Variants in DHRS4L2 observed in about 807,000 individuals in gnomAD.
The protein encoded by DHRS4L2 is dehydrogenase/reductase 4 like 2.
In DHRS4L2, 22 loss-of-function variants were observed where a neutral mutation model predicts 23.9. That is an observed-to-expected ratio of 0.92 (90% CI 0.66 to 1.31). The LOEUF is 1.31. Ranked by LOEUF, DHRS4L2 falls within the 40% of genes most tolerant of loss-of-function variation. The pLI, the probability that DHRS4L2 is intolerant of heterozygous loss-of-function variation, is 0.00. For missense variants in DHRS4L2, 385 were observed against 303.3 expected, an observed-to-expected ratio of 1.27 and a Z score of -2.00; for synonymous variants, 141 against 123.7, an observed-to-expected ratio of 1.14 and a Z score of -0.93.
intron 1 of DHRS4L2, among the ~76,000 whole-genome samples, chr14:23,989,581 C>T (rs1407241435): frequency 6.6e-6 from 1 of 151,462 alleles, no homozygotes; most frequent in Non-Finnish European, 1.5e-5. Context: ...TGTTTCTCAC[C>T]CACCTCTCTT....
rs1176867151 is a variant in DHRS4L2, at chr14:24,004,163, G to C, written c.666-174G>C. Among the ~76,000 whole-genome samples the C allele has an allele frequency of 2.1e-5, 3 of 146,006 alleles. 1 individual carries two copies. Among genetic ancestry groups the C allele is most frequent in the South Asian group, 4.3e-4 (2 of 4,606 alleles). On this transcript the variant is annotated intron_variant, in intron 6 of 7. Transcript: ENST00000335125. ...CGGGCGCCTGTAATCCCAGCTACTC[G>C]GGAGGCTGAGGCAGGAGAATGGCAT... is the stretch of plus-strand genomic sequence containing the variant.
intron 2 of DHRS4L2, among the ~76,000 whole-genome samples, chr14:23,991,979 A>C (rs2034279670): frequency 6.6e-6 from 1 of 150,764 alleles, no homozygotes. Context: ...CAGGTGATCC[A>C]CCCCCTCGGC....
Position 23,994,809 on chromosome 14 carries a change from ATTG to A in DHRS4L2, c.307-211_307-209del, listed in dbSNP as rs376892471. The stretch of plus-strand genomic sequence containing the variant: ...TCTTAAGAATGAAGCTTTTGTTGTC[ATTG>A]TTGTTGTTGTTTTTAATATAAAGAT... On this transcript the variant is annotated intron_variant, in intron 2 of 7. Transcript: ENST00000335125. 3.4e-4 allele frequency among the ~76,000 whole-genome samples: 51 copies of A among 151,682 alleles called. 3 individuals carry two copies. In the East Asian group the frequency reaches 6.2e-3, roughly 18 times the overall value.
intron 1 of DHRS4L2, among the ~76,000 whole-genome samples, chr14:23,970,485 C>T (rs1489554784): frequency 2.0e-5 from 3 of 151,972 alleles, no homozygotes; most frequent in Non-Finnish European, 2.9e-5. Context: ...CTGGGCGGAA[C>T]CCACCGCAGC....
chr14:23,981,201 C>T (rs1274825473), intron 1 of DHRS4L2, among the ~76,000 whole-genome samples: 5 of 151,626 alleles, frequency 3.3e-5, no homozygotes, highest in Non-Finnish European at 4.4e-5. Context: ...CTCCCATTCG[C>T]GACTGCTACA....
upstream of DHRS4L2, chr14:23,988,914 G>C (rs1370148109): frequency 1.2e-6 from 2 of 1,608,710 alleles, no homozygotes; most frequent in East Asian, 2.2e-5. Flanking sequence ...ACCTCCGCTG[G>C]AAGGAGTGGA....
chr14:24,005,371 T>C (rs2034552379), intron 7 of DHRS4L2, among the ~76,000 whole-genome samples: 1 of 151,110 alleles, frequency 6.6e-6, no homozygotes, highest in Non-Finnish European at 1.5e-5. Context: ...GATTAAAGTG[T>C]CTCCTAACTA....
chr14:23,994,914 G>C (rs1475204871), intron 2 of DHRS4L2, 118 bp from the exon 3 acceptor site: 2 of 1,277,736 alleles, frequency 1.6e-6, no homozygotes, highest in African/African-American at 1.5e-5. Flanking sequence ...CTCCCAAAGT[G>C]CTATGATTAC....
intron 1 of DHRS4L2, among the ~76,000 whole-genome samples, chr14:23,974,764 A>C (rs778366034): frequency 1.3e-5 from 2 of 151,928 alleles, no homozygotes; most frequent in Non-Finnish European, 2.9e-5. Flanking sequence ...TTAATAGCCT[A>C]CCAAACCAAA....
chr14:23,969,940 G>T, exon 1 of DHRS4L2: 1 of 452,494 alleles, frequency 2.2e-6, no homozygotes, highest in Non-Finnish European at 4.4e-6. Flanking sequence ...TGGGGGGAGG[G>T]GCGCTCACGC....
chr14:24,000,510 G>C (rs550053470), intron 3 of DHRS4L2, among the ~76,000 whole-genome samples: 1 of 152,006 alleles, frequency 6.6e-6, no homozygotes, highest in Non-Finnish European at 1.5e-5. Flanking sequence ...TCTAGGGCAG[G>C]TCCAGGAGGC....
At chr14:23,994,658 A>G (rs1420808484) in intron 2 of DHRS4L2, among the ~76,000 whole-genome samples, 2 of 151,832 alleles carry the variant, frequency 1.3e-5, no homozygotes, top group Non-Finnish European at 2.9e-5. Flanking sequence ...ACTGTGCTCC[A>G]GTCTGGATGA....
At chr14:23,970,111 C>G (rs760385154) in exon 1 of DHRS4L2, 5 of 456,066 alleles carry the variant, frequency 1.1e-5, no homozygotes, top group Non-Finnish European at 2.2e-5. Context: ...CCAAGCCCAC[C>G]GTGGAGCTCA....
chr14:23,996,896 A>T (rs1384516845), intron 3 of DHRS4L2, among the ~76,000 whole-genome samples: 1 of 151,940 alleles, frequency 6.6e-6, no homozygotes, highest in Admixed American at 6.5e-5. Context: ...CAGCCCCCCA[A>T]AATATTGGGA....
intron 1 of DHRS4L2, among the ~76,000 whole-genome samples, chr14:23,989,929 C>T (rs1302583831): frequency 6.6e-6 from 1 of 151,682 alleles, no homozygotes; most frequent in Non-Finnish European, 1.5e-5. Context: ...GCCTGTCACC[C>T]GTGGTGGGAA....
chr14:23,973,580 A>G (rs1256739694), intron 1 of DHRS4L2, among the ~76,000 whole-genome samples: 4 of 151,964 alleles, frequency 2.6e-5, no homozygotes, highest in African/African-American at 9.7e-5. Context: ...TGGAAAGCAA[A>G]AAAAAGCAGG....
chr14:23,997,074 G>A (rs1170734910), intron 3 of DHRS4L2, among the ~76,000 whole-genome samples: 27 of 149,034 alleles, frequency 1.8e-4, no homozygotes, highest in Non-Finnish European at 2.8e-4. Flanking sequence ...ACACAATAAA[G>A]TGAATATTAT....
intron 6 of DHRS4L2, 114 bp downstream of exon 6, chr14:24,001,631 C>T: frequency 1.4e-6 from 2 of 1,461,670 alleles, no homozygotes; most frequent in Non-Finnish European, 1.8e-6. Context: ...TTCTCCTTCC[C>T]TGGACTTTCC....
intron 5 of DHRS4L2, 147 bp from the exon 6 acceptor site, chr14:24,001,237 C>G (rs2034481927): frequency 1.9e-6 from 3 of 1,573,696 alleles, no homozygotes; most frequent in East Asian, 2.2e-5. Flanking sequence ...AAACCATAAC[C>G]TAGGGGAGGT....
Sources: gnomAD v4.1 joint callset for allele counts (sites outside exome capture counted in the v4.1 genomes callset) on GRCh38, gnomAD v4.1.1 for gene constraint, MANE v1.5 for transcripts, NCBI Gene and HGNC (gene_info 2026-07-23, HGNC 2026-07-21) for gene names.